The following ITPK1 variants were observed in gnomAD, a reference collection of about 807,000 sequenced individuals.
ITPK1 encodes inositol 1,3,4-trisphosphate 5/6-kinase.
ITPK1 carries 21 observed loss-of-function variants against 45.3 expected under a neutral mutation model. The ratio of observed to expected loss-of-function variants is 0.46; its 90% CI spans 0.33 to 0.67. ITPK1 has a LOEUF of 0.67. Ranked by LOEUF, ITPK1 falls within the 30% of genes least tolerant of loss-of-function variation. The pLI is 0.02. For synonymous variants in ITPK1, 258 were observed against 253.6 expected, an observed-to-expected ratio of 1.02 and a Z score of -0.16; for missense variants, 474 against 573.5, an observed-to-expected ratio of 0.83 and a Z score of 1.77.
At chr14:93,048,827 T>C (rs1393381665) in intron 3 of ITPK1, among the ~76,000 whole-genome samples, 4 of 152,130 alleles carry the variant, frequency 2.6e-5, no homozygotes, top group Non-Finnish European at 5.9e-5. Context: ...CACACACCTG[T>C]AATCCCAGCT....
intron 2 of ITPK1, among the ~76,000 whole-genome samples, chr14:93,097,093 C>T (rs1368646905): frequency 1.3e-5 from 2 of 152,180 alleles, no homozygotes; most frequent in Admixed American, 6.5e-5. Context: ...AGCCCAGCAC[C>T]AGCTGGGCAC....
At chr14:93,100,426 C>T (rs1321190573) in intron 2 of ITPK1, among the ~76,000 whole-genome samples, 3 of 151,954 alleles carry the variant, frequency 2.0e-5, no homozygotes, top group Non-Finnish European at 4.4e-5. Context: ...CAGTGCCTGG[C>T]TGAGAATAAG....
At chr14:93,094,955 C>T (rs1206985702) in intron 2 of ITPK1, among the ~76,000 whole-genome samples, 2 of 152,236 alleles carry the variant, frequency 1.3e-5, no homozygotes, top group East Asian at 3.8e-4. Context: ...CATACCTGTC[C>T]GTGAGCGAGC....
At chr14:92,970,554 C>A (rs1355727597) in intron 5 of ITPK1, among the ~76,000 whole-genome samples, 1 of 152,198 alleles carries the variant, frequency 6.6e-6, no homozygotes, top group Non-Finnish European at 1.5e-5. Flanking sequence ...TGGCAGGAAA[C>A]TGGGGCAAGA....
chr14:92,957,149 A>C (rs2139729484), intron 8 of ITPK1, among the ~76,000 whole-genome samples: 1 of 152,384 alleles, frequency 6.6e-6, no homozygotes, highest in Non-Finnish European at 1.5e-5. Context: ...GGATGGCCAC[A>C]GGCAGTCCCC....
intron 2 of ITPK1, among the ~76,000 whole-genome samples, chr14:93,080,555 C>T (rs1412904508): frequency 6.6e-6 from 1 of 152,156 alleles, no homozygotes. Context: ...GCAGCACTCG[C>T]TATGGGTTCT....
chr14:93,078,885 C>A (rs779328902), intron 2 of ITPK1, among the ~76,000 whole-genome samples: 1 of 152,160 alleles, frequency 6.6e-6, no homozygotes, highest in Non-Finnish European at 1.5e-5. Flanking sequence ...CAAACTCCAG[C>A]GGCCCTGCTC....
rs560178299 is a variant in ITPK1, at chr14:92,955,111, G to A, written c.670+3090C>T. On this transcript the variant is annotated intron_variant, in intron 8 of 10. Coordinates refer to ENST00000267615, the MANE Select transcript of ITPK1 (RefSeq NM_014216.6). ...TAAATGCTGTATCACTGACTATTAA[G>A]AGGCTCTGGAGAGGAGCTCAGCAGA... 4.6e-5 allele frequency among the ~76,000 whole-genome samples: 7 copies of A among 152,332 alleles called. No individual in the cohort carries two copies. The East Asian group carries it at 1.4e-3, about 29-fold the overall frequency.
chr14:93,091,676 A>G (rs550550035), intron 2 of ITPK1, among the ~76,000 whole-genome samples: 1 of 152,318 alleles, frequency 6.6e-6, no homozygotes, highest in South Asian at 2.1e-4. Flanking sequence ...AGGCTGGCAC[A>G]TAGTGGCATC....
intron 3 of ITPK1, among the ~76,000 whole-genome samples, chr14:93,061,412 CA>C (rs1566763268): frequency 6.6e-6 from 1 of 152,134 alleles, no homozygotes; most frequent in Non-Finnish European, 1.5e-5. Context: ...GGGTGAGGAA[CA>C]ATTGCAAGGG....
intron 3 of ITPK1, among the ~76,000 whole-genome samples, chr14:93,064,411 C>T (rs1890663016): frequency 6.6e-6 from 1 of 152,208 alleles, no homozygotes; most frequent in Non-Finnish European, 1.5e-5. Flanking sequence ...AGACACAGGC[C>T]ATCATGCCTG....
At chr14:93,064,911 A>G (rs1411367024) in intron 3 of ITPK1, among the ~76,000 whole-genome samples, 1 of 152,178 alleles carries the variant, frequency 6.6e-6, no homozygotes, top group Non-Finnish European at 1.5e-5. Context: ...GGATTTACAC[A>G]GCTTTTGGAA....
chr14:93,038,057 CTT>C (rs545277358), intron 3 of ITPK1, among the ~76,000 whole-genome samples: 2 of 146,354 alleles, frequency 1.4e-5, no homozygotes. Context: ...ATGACATATT[CTT>C]TTTTTTTTTT....
intron 5 of ITPK1, among the ~76,000 whole-genome samples, chr14:92,979,384 T>TG (rs1886104643): frequency 6.6e-6 from 1 of 152,172 alleles, no homozygotes; most frequent in Non-Finnish European, 1.5e-5. Context: ...GTTAAGACTT[T>TG]GGGGGGCTGT....
intron 3 of ITPK1, among the ~76,000 whole-genome samples, chr14:93,024,017 T>TG (rs1404516313): frequency 6.6e-6 from 1 of 151,910 alleles, no homozygotes; most frequent in Non-Finnish European, 1.5e-5. Context: ...AGTCCTGTCC[T>TG]GGGGGGAAAG....
chr14:93,046,601 G>GT (rs961950488), intron 3 of ITPK1, among the ~76,000 whole-genome samples: 21 of 146,938 alleles, frequency 1.4e-4, no homozygotes, highest in African/African-American at 5.3e-4. Context: ...GGGCGGGGGG[G>GT]GGCGGCGGGG....
chr14:93,029,644 G>A (rs1888933290), intron 3 of ITPK1, among the ~76,000 whole-genome samples: 1 of 152,148 alleles, frequency 6.6e-6, no homozygotes. Context: ...GGCTGAAGAT[G>A]CCACAGCTCT....
chr14:93,034,709 G>A lies in ITPK1; in HGVS notation c.121-17908C>T, dbSNP rs891643718. On this transcript the variant is annotated intron_variant, in intron 3 of 10. Transcript: ENST00000267615. The surrounding 1 kb of genome is among the most constrained non-coding windows in gnomAD (Gnocchi z 4.1). ...GAGAAGCAGACACTGAGATGGAAGC[G>A]GCAGCTGTGCCCACTGAGGGAGGGT... is the stretch of plus-strand genomic sequence containing the variant. Among the ~76,000 whole-genome samples the A allele has an allele frequency of 3.3e-5, 5 of 152,376 alleles. No individual in the cohort carries two copies. The highest frequency in any genetic ancestry group is 6.5e-5 in the Admixed American group (1 of 15,314).
At chr14:93,072,823 C>T (rs1019942355) in intron 3 of ITPK1, among the ~76,000 whole-genome samples, 2 of 152,162 alleles carry the variant, frequency 1.3e-5, no homozygotes, top group African/African-American at 2.4e-5. Context: ...CCATGTTGCC[C>T]AGGCAGATCT....
Sources: gnomAD v4.1 joint callset for allele counts (sites outside exome capture counted in the v4.1 genomes callset) on GRCh38, gnomAD v4.1.1 for gene constraint, Gnocchi (gnomAD v3.1) non-coding constraint, MANE v1.5 for transcripts, NCBI Gene and HGNC (gene_info 2026-07-23, HGNC 2026-07-21) for gene names.